The following RAPGEF5 variants were observed in gnomAD, a reference collection of about 807,000 sequenced individuals.
RAPGEF5 encodes the protein M-Ras-regulated GEF.
Under a neutral mutation model 125.2 loss-of-function variants are expected in RAPGEF5, and 65 were observed. The observed-to-expected ratio is 0.52, with a 90% CI of 0.43 to 0.64. The LOEUF (loss-of-function observed/expected upper bound fraction) is 0.64, where lower values mean the gene tolerates loss of function less well. RAPGEF5 is among the 30% of genes least tolerant of loss of function. The pLI is 0.00. For synonymous variants in RAPGEF5, 391 were observed against 385.9 expected (o/e 1.01, Z -0.16); for missense variants, 958 against 1,048.1 (o/e 0.91, Z 1.19).
intron 10 of RAPGEF5, 148 bp from the exon 11 acceptor site, chr7:22,193,603 G>A (rs921794246): frequency 1.3e-6 from 2 of 1,550,934 alleles, no homozygotes; most frequent in Non-Finnish European, 8.7e-7. Flanking sequence ...TGAGAGCGCC[G>A]CGGCGGAATC....
chr7:22,329,547 T>A (rs1415957254), intron 1 of RAPGEF5, among the ~76,000 whole-genome samples: 1 of 152,006 alleles, frequency 6.6e-6, no homozygotes, highest in East Asian at 1.9e-4. Context: ...TCTTAACACA[T>A]GGAAATATTT....
chr7:22,215,236 G>T (rs1785608564), intron 9 of RAPGEF5, among the ~76,000 whole-genome samples: 1 of 152,054 alleles, frequency 6.6e-6, no homozygotes, highest in Admixed American at 6.5e-5. Context: ...ACATGAAATC[G>T]TTTCAGAGTT....
chr7:22,147,706 A>G (rs1783489476), intron 18 of RAPGEF5, among the ~76,000 whole-genome samples: 1 of 152,188 alleles, frequency 6.6e-6, no homozygotes, highest in Admixed American at 6.5e-5. Flanking sequence ...CTTTCAATCT[A>G]TTTCACCACT....
At chr7:22,167,273 G>T in intron 11 of RAPGEF5, 125 bp from the exon 12 acceptor site, 1 of 645,984 alleles carries the variant, frequency 1.5e-6, no homozygotes, top group Non-Finnish European at 2.6e-6. Context: ...CTGTGGGAGG[G>T]ATTAGGAGAA....
chr7:22,220,629 T>C (rs953008988), intron 8 of RAPGEF5, among the ~76,000 whole-genome samples: 2 of 151,706 alleles, frequency 1.3e-5, no homozygotes, highest in Non-Finnish European at 2.9e-5. Context: ...GGTTTGGAAA[T>C]GATCCATAAA....
Position 22,186,772 on chromosome 7 carries a change from A to G in RAPGEF5, c.1204+6595T>C, listed in dbSNP as rs1004654567. Among the ~76,000 whole-genome samples, 5 of 152,258 alleles carry G rather than the reference A, an allele frequency of 3.3e-5. 1 individual carries two copies. Among genetic ancestry groups the G allele is most frequent in the African/African-American group, 1.2e-4 (5 of 41,478 alleles). On this transcript the variant is annotated intron_variant, in intron 11 of 25. Transcript: ENST00000665637. The stretch of plus-strand genomic sequence containing the variant: ...TAAAGCTAAAAGTTAAGGAATTGCC[A>G]GGAAATGGCTAGTAGAAGAGATATG...
At chr7:22,250,990 T>G (rs1199919305) in intron 7 of RAPGEF5, among the ~76,000 whole-genome samples, 1 of 152,116 alleles carries the variant, frequency 6.6e-6, no homozygotes, top group Non-Finnish European at 1.5e-5. Context: ...CTGCTAAATT[T>G]TGGTAGAAGC....
intron 1 of RAPGEF5, among the ~76,000 whole-genome samples, chr7:22,347,608 TAGAG>T (rs1313167997): frequency 6.6e-6 from 1 of 152,188 alleles, no homozygotes; most frequent in Non-Finnish European, 1.5e-5. Context: ...TTATCTTATT[TAGAG>T]AGAGGATGCA....
At chr7:22,186,781 CTAG>C (rs1784838409) in intron 11 of RAPGEF5, among the ~76,000 whole-genome samples, 1 of 152,126 alleles carries the variant, frequency 6.6e-6, no homozygotes, top group Non-Finnish European at 1.5e-5. Flanking sequence ...CAGGAAATGG[CTAG>C]TAGAAGAGAT....
At chr7:22,230,812 G>A (rs1301533406) in intron 8 of RAPGEF5, 34 bp downstream of exon 8, 1 of 1,525,658 alleles carries the variant, frequency 6.6e-7, no homozygotes, top group Admixed American at 1.9e-5. Flanking sequence ...ACACAGAAGG[G>A]TATGATGAGG....
intron 1 of RAPGEF5, among the ~76,000 whole-genome samples, chr7:22,344,921 T>C (rs1172508320): frequency 6.6e-6 from 1 of 152,252 alleles, no homozygotes; most frequent in African/African-American, 2.4e-5. Flanking sequence ...CTAAGCAATG[T>C]TCTGATGATG....
At chr7:22,162,820 C>A in intron 12 of RAPGEF5, 1 of 486,936 alleles carries the variant, frequency 2.1e-6, no homozygotes, top group African/African-American at 1.9e-5. Flanking sequence ...GCAGTTAATG[C>A]CAGCCCAAGG....
At chr7:22,251,700 G>A (rs1232961022) in intron 7 of RAPGEF5, among the ~76,000 whole-genome samples, 2 of 134,584 alleles carry the variant, frequency 1.5e-5, no homozygotes, top group East Asian at 4.9e-4. Flanking sequence ...ATAAAAACCT[G>A]TCCACATTGG....
intron 16 of RAPGEF5, among the ~76,000 whole-genome samples, chr7:22,156,426 C>G (rs1005781883): frequency 3.3e-5 from 5 of 152,190 alleles, no homozygotes; most frequent in Non-Finnish European, 2.9e-5. Flanking sequence ...CAGCCCAAAT[C>G]TGCACATTGA....
At chr7:22,214,795 C>A (rs1251452300) in intron 9 of RAPGEF5, among the ~76,000 whole-genome samples, 1 of 151,650 alleles carries the variant, frequency 6.6e-6, no homozygotes, top group Non-Finnish European at 1.5e-5. Context: ...GTTACCTTGG[C>A]TTCTGGGCCA....
chr7:22,258,961 C>G (rs905752137), intron 7 of RAPGEF5, among the ~76,000 whole-genome samples: 1 of 152,076 alleles, frequency 6.6e-6, no homozygotes, highest in Admixed American at 6.6e-5. Context: ...TTGGTGATGA[C>G]TTTGTAAATA....
intron 1 of RAPGEF5, among the ~76,000 whole-genome samples, chr7:22,330,066 T>C (rs1346719555): frequency 2.0e-5 from 3 of 152,140 alleles, no homozygotes; most frequent in Admixed American, 1.3e-4. Context: ...ATTTCCACTC[T>C]CATAGCCCTG....
chr7:22,270,490 C>G (rs570431190), intron 6 of RAPGEF5, among the ~76,000 whole-genome samples: 51 of 152,154 alleles, frequency 3.4e-4, no homozygotes, highest in South Asian at 1.2e-3. Context: ...CTCACCATGC[C>G]TGAAATAGAG....
intron 6 of RAPGEF5, among the ~76,000 whole-genome samples, chr7:22,271,727 T>C (rs918093344): frequency 6.6e-6 from 1 of 152,214 alleles, no homozygotes; most frequent in African/African-American, 2.4e-5. Flanking sequence ...CAACAGAAAC[T>C]AGAGTCAGAA....
Sources: gnomAD v4.1 joint callset for allele counts (sites outside exome capture counted in the v4.1 genomes callset) on GRCh38, gnomAD v4.1.1 for gene constraint, MANE v1.5 for transcripts, NCBI Gene and HGNC (gene_info 2026-07-23, HGNC 2026-07-21) for gene names.